The following TMEM132D variants were observed in gnomAD, a reference collection of about 807,000 sequenced individuals.
TMEM132D encodes transmembrane protein 132D.
TMEM132D carries 21 observed loss-of-function variants against 62.3 expected under a neutral mutation model. The observed-to-expected ratio is 0.34, with a 90% CI of 0.24 to 0.49. The LOEUF (loss-of-function observed/expected upper bound fraction) is 0.49, where lower values mean the gene tolerates loss of function less well. TMEM132D is among the 20% of genes least tolerant of loss of function. TMEM132D has a pLI of 0.99. For synonymous variants in TMEM132D, 621 were observed against 575.6 expected (o/e 1.08, Z -1.13); for missense variants, 1,346 against 1,402.8 (o/e 0.96, Z 0.65).
chr12:129,575,154 T>C, intron 2 of TMEM132D, among the ~76,000 whole-genome samples: 1 of 151,858 alleles, frequency 6.6e-6, no homozygotes, highest in East Asian at 1.9e-4. Flanking sequence ...TCTTATGATT[T>C]TCCGAGCGTT....
chr12:129,853,455 A>C (rs1873610481), intron 1 of TMEM132D: 1 of 152,270 alleles, frequency 6.6e-6, no homozygotes, highest in Non-Finnish European at 1.5e-5. Flanking sequence ...TGAGCCTCCA[A>C]GAACACTCAA....
chr12:129,293,637 G>A (rs12302979), intron 4 of TMEM132D, among the ~76,000 whole-genome samples: 2,973 of 152,244 alleles, frequency 0.02, 62 homozygotes, highest in Admixed American at 0.053. Flanking sequence ...GGGGGTGATG[G>A]AGACAGTAAC....
intron 2 of TMEM132D, chr12:129,683,030 G>T (rs4759993): frequency 6.6e-6 from 1 of 151,840 alleles, no homozygotes; most frequent in African/African-American, 2.4e-5. Flanking sequence ...CCCTGGCAGC[G>T]TGCTTTATTC....
chr12:129,131,197 G>A (rs569523025), intron 5 of TMEM132D, among the ~76,000 whole-genome samples: 1 of 152,336 alleles, frequency 6.6e-6, no homozygotes, highest in East Asian at 1.9e-4. Flanking sequence ...GCATAAGTAT[G>A]TATGCACACA....
intron 4 of TMEM132D, among the ~76,000 whole-genome samples, chr12:129,281,293 A>T (rs1279598219): frequency 6.6e-6 from 1 of 152,170 alleles, no homozygotes; most frequent in Admixed American, 6.5e-5. Context: ...AGTCTTAACC[A>T]GGAAGGTGTC....
At chr12:129,494,568 G>T (rs1476908635) in intron 3 of TMEM132D, among the ~76,000 whole-genome samples, 3 of 152,088 alleles carry the variant, frequency 2.0e-5, no homozygotes, top group Non-Finnish European at 4.4e-5. Flanking sequence ...GTGTAAATCG[G>T]CTTATATATA....
intron 1 of TMEM132D, among the ~76,000 whole-genome samples, chr12:129,829,875 A>G (rs960298421): frequency 6.6e-6 from 1 of 152,222 alleles, no homozygotes; most frequent in Non-Finnish European, 1.5e-5. Flanking sequence ...CGACTCACCC[A>G]GGTCAGATCC....
intron 5 of TMEM132D, among the ~76,000 whole-genome samples, chr12:129,180,777 T>C (rs61703176): frequency 0.48 from 72,896 of 151,630 alleles, 17,644 homozygotes; most frequent in East Asian, 0.63. Flanking sequence ...TCCCTTGTCT[T>C]CTCTTCATCA....
At position 129,415,456 on chromosome 12, in the gene TMEM132D, T is replaced by C. The variant is rs556568480; in HGVS notation, c.1116-77639A>G. Among the ~76,000 whole-genome samples the C allele has an allele frequency of 9.8e-5, 15 of 152,328 alleles. No homozygotes were observed. In the East Asian group the frequency reaches 2.9e-3, roughly 29 times the overall value. On this transcript the variant is annotated intron_variant, in intron 3 of 8. Transcript: ENST00000422113. ...CCAGGCCGAAAAGAAGTTCTGTTCC[T>C]ACCATTTGAAAAATACATAAGAAAC...
intron 1 of TMEM132D, among the ~76,000 whole-genome samples, chr12:129,868,980 T>C (rs1218461395): frequency 4.6e-5 from 7 of 152,124 alleles, no homozygotes; most frequent in Non-Finnish European, 7.4e-5. Flanking sequence ...GCTTAGCATC[T>C]GTGGGTTGCA....
chr12:129,089,216 C>T (rs1435886749), intron 5 of TMEM132D, among the ~76,000 whole-genome samples: 1 of 36,428 alleles, frequency 2.7e-5, no homozygotes, highest in Non-Finnish European at 4.3e-5. Context: ...CCTCTATGAC[C>T]GGGTGTCCTC....
At chr12:129,504,802 T>A (rs1875279691) in intron 3 of TMEM132D, among the ~76,000 whole-genome samples, 1 of 152,194 alleles carries the variant, frequency 6.6e-6, no homozygotes, top group South Asian at 2.1e-4. Context: ...AGGTGTGACC[T>A]TAGATTGTCT....
At chr12:129,711,275 C>T (rs1881636183) in intron 1 of TMEM132D, among the ~76,000 whole-genome samples, 1 of 152,238 alleles carries the variant, frequency 6.6e-6, no homozygotes, top group Non-Finnish European at 1.5e-5. Flanking sequence ...TGGCTCCTCT[C>T]TGCGTTTCAC....
chr12:129,529,874 T>C (rs1566100121), intron 3 of TMEM132D, among the ~76,000 whole-genome samples: 1 of 152,244 alleles, frequency 6.6e-6, no homozygotes, highest in Non-Finnish European at 1.5e-5. Flanking sequence ...ATATTACTGG[T>C]ACAGATGTGT....
At chr12:129,163,927 A>G (rs369561362) in intron 5 of TMEM132D, among the ~76,000 whole-genome samples, 2 of 152,204 alleles carry the variant, frequency 1.3e-5, no homozygotes, top group Non-Finnish European at 2.9e-5. Flanking sequence ...AGAAACACTG[A>G]GATGTCCCAG....
intron 5 of TMEM132D, among the ~76,000 whole-genome samples, chr12:129,140,416 C>G (rs1876704894): frequency 6.6e-6 from 1 of 152,196 alleles, no homozygotes; most frequent in Admixed American, 6.5e-5. Flanking sequence ...TTGGTCCCCT[C>G]CCCAATCCCT....
intron 3 of TMEM132D, among the ~76,000 whole-genome samples, chr12:129,424,775 T>C (rs1872443677): frequency 6.6e-6 from 1 of 151,860 alleles, no homozygotes; most frequent in South Asian, 2.1e-4. Flanking sequence ...TTGAATCTGT[T>C]TGAGGATTAT....
intron 3 of TMEM132D, among the ~76,000 whole-genome samples, chr12:129,361,324 T>C (rs1298556399): frequency 6.6e-6 from 1 of 152,218 alleles, no homozygotes. Flanking sequence ...AATCACCCTC[T>C]TCCTGCCCAA....
At chr12:129,722,853 C>A (rs1249274764) in intron 1 of TMEM132D, among the ~76,000 whole-genome samples, 1 of 151,460 alleles carries the variant, frequency 6.6e-6, no homozygotes, top group Non-Finnish European at 1.5e-5. Flanking sequence ...GATTCTCCTG[C>A]CTCAGCCTCC....
Sources: allele counts gnomAD v4.1 joint callset (sites outside exome capture counted in the v4.1 genomes callset), GRCh38; gene constraint gnomAD v4.1.1; transcripts MANE v1.5; gene names NCBI Gene and HGNC (gene_info 2026-07-23, HGNC 2026-07-21).